Variants in TJP2 observed in about 807,000 individuals in gnomAD.
The protein encoded by TJP2 is tight junction protein 2.
TJP2 carries 91 observed loss-of-function variants against 133.1 expected under a neutral mutation model. The observed-to-expected ratio is 0.68, with a 90% CI of 0.58 to 0.81. TJP2 has a LOEUF of 0.81. TJP2 is among the 40% of genes least tolerant of loss of function. The probability of loss-of-function intolerance (pLI) is 0.00; values close to 1 mark genes in which losing one functional copy is unlikely to be tolerated. For missense variants in TJP2, 1,541 were observed against 1,565.6 expected (o/e 0.98, Z 0.26); for synonymous variants, 592 against 583.4 (o/e 1.01, Z -0.21).
rs1831166251 is a variant in TJP2 at position 69,249,427 on chromosome 9, G to A, written c.2933G>A (p.Ser978Asn). The change falls in exon 20 of 23, where the codon AGC becomes AAC. Residue 978 changes from serine (S) to asparagine (N), a missense_variant. By Grantham distance (46) the Ser-to-Asn change is conservative. Coordinates refer to ENST00000377245, the MANE Select transcript of TJP2 (RefSeq NM_004817.4). Reference protein sequence around the residue: ...EPRAQMRRAASSDQLRDNSPP... With the variant: ...EPRAQMRRAANSDQLRDNSPP... ...CGAGCTCAGATGAGGAGGGCTGCTA[G>A]CAGCGATCAACTTAGGGACAATAGC... 1 of 1,611,908 alleles carries A rather than the reference G, an allele frequency of 6.2e-7. No individual in the cohort carries two copies. The highest frequency in any genetic ancestry group is 1.3e-5 in the African/African-American group (1 of 74,898).
intron 17 of TJP2, among the ~76,000 whole-genome samples, chr9:69,244,719 C>T (rs751857159): frequency 6.6e-6 from 1 of 152,150 alleles, no homozygotes; most frequent in Non-Finnish European, 1.5e-5. Flanking sequence ...TGTGCACCTG[C>T]CTGTTAAAAA....
chr9:69,241,930 G>A (rs1478822566), intron 17 of TJP2, among the ~76,000 whole-genome samples: 2 of 152,182 alleles, frequency 1.3e-5, no homozygotes, highest in African/African-American at 4.8e-5. Context: ...TTAAAAAACT[G>A]AAGCCAAAGT....
At chr9:69,159,674 C>T (rs1006075070) in intron 2 of TJP2, among the ~76,000 whole-genome samples, 23 of 151,868 alleles carry the variant, frequency 1.5e-4, no homozygotes, top group Non-Finnish European at 2.8e-4. Flanking sequence ...GTCAGGAGAT[C>T]GAGACCATCC....
Position 69,212,621 on chromosome 9 carries a change from T to C in TJP2, c.114+20T>C, listed in dbSNP as rs773025974. On this transcript the variant is annotated intron_variant, in intron 2 of 22. Transcript: ENST00000377245. The stretch of plus-strand genomic sequence containing the variant: ...CAAAAGGTGAGTTCTGCACATTTCA[T>C]ATATTCTACAGTCATGTTCTTGATT... The C allele has an allele frequency of 1.3e-5, 20 of 1,581,656 alleles. No homozygotes were observed. The East Asian group carries it at 4.3e-4, about 34-fold the overall frequency.
At chr9:69,189,253 C>G (rs987702473) in intron 1 of TJP2, among the ~76,000 whole-genome samples, 5 of 152,164 alleles carry the variant, frequency 3.3e-5, no homozygotes, top group African/African-American at 1.2e-4. Flanking sequence ...ATAAACAGAG[C>G]AACCAGCCCA....
intron 1 of TJP2, among the ~76,000 whole-genome samples, chr9:69,150,190 G>GA (rs1823402401): frequency 6.6e-6 from 1 of 151,852 alleles, no homozygotes; most frequent in Admixed American, 6.6e-5. Context: ...TAAATGCTAT[G>GA]AAAAACAAAT....
intron 1 of TJP2, among the ~76,000 whole-genome samples, chr9:69,182,455 TTTGAGCCTAAA>T (rs577405937): frequency 6.5e-4 from 99 of 152,296 alleles, no homozygotes; most frequent in Non-Finnish European, 1.2e-3. Flanking sequence ...CCAAGTTCGT[TTTGAGCCTAAA>T]TTGAATTTTA....
chr9:69,154,822 T>C (rs1823661475), intron 2 of TJP2, among the ~76,000 whole-genome samples: 1 of 151,968 alleles, frequency 6.6e-6, no homozygotes, highest in South Asian at 2.1e-4. Flanking sequence ...AAGATGCTAA[T>C]AGTCTGGTGA....
chr9:69,247,311 CG>C (rs1830995531), intron 18 of TJP2, among the ~76,000 whole-genome samples: 1 of 152,180 alleles, frequency 6.6e-6, no homozygotes, highest in Non-Finnish European at 1.5e-5. Context: ...GCTTCTCCCT[CG>C]GGGAGATAGC....
chr9:69,148,659 C>T (rs946822633), intron 1 of TJP2, among the ~76,000 whole-genome samples: 10 of 152,184 alleles, frequency 6.6e-5, no homozygotes, highest in African/African-American at 1.9e-4. Context: ...CATGAGCCAC[C>T]GCCCCCCTCT....
At chr9:69,206,317 C>T (rs892635634) in intron 1 of TJP2, among the ~76,000 whole-genome samples, 5 of 152,098 alleles carry the variant, frequency 3.3e-5, no homozygotes, top group Non-Finnish European at 7.4e-5. Flanking sequence ...ACCTAACCTG[C>T]GTCCCCACTC....
At position 69,234,467 on chromosome 9, in the gene TJP2, T is replaced by C; in HGVS notation, c.1700T>C (p.Val567Ala). The change falls in exon 12 of 23, where the codon GTG becomes GCG. Residue 567 changes from valine to alanine, a missense_variant. By Grantham distance (64) the Val-to-Ala change is moderately conservative. Coordinates refer to ENST00000377245, the MANE Select transcript of TJP2 (RefSeq NM_004817.4). Reference sequence around the variant, plus strand: ...AACACACAGGATTTCAGAGGATTAGTGCGGGAGGATGCCGTTCTCTACCTG... The same window carrying C: ...AACACACAGGATTTCAGAGGATTAGCGCGGGAGGATGCCGTTCTCTACCTG... ...KVNTQDFRGLVREDAVLYLLE... is the reference protein window; with the variant it reads ...KVNTQDFRGLAREDAVLYLLE... 1 of 1,609,672 alleles carries C rather than the reference T, an allele frequency of 6.2e-7. No homozygotes were observed. Among genetic ancestry groups the C allele is most frequent in the Non-Finnish European group, 8.5e-7 (1 of 1,179,024 alleles).
At chr9:69,233,482 A>C (rs1829940132) in intron 11 of TJP2, among the ~76,000 whole-genome samples, 1 of 152,210 alleles carries the variant, frequency 6.6e-6, no homozygotes, top group Non-Finnish European at 1.5e-5. Context: ...TGAAAGATAC[A>C]GAACTATGGG....
At chr9:69,198,141 C>CTTTT (rs5898062) in intron 1 of TJP2, among the ~76,000 whole-genome samples, 2,648 of 96,302 alleles carry the variant, frequency 0.027, 167 homozygotes, top group African/African-American at 0.075. Context: ...TTTCCCAATT[C>CTTTT]TTTTTTTTTT....
In TJP2 at chr9:69,254,909, A is replaced by G; in HGVS notation, c.*535A>G. ...ATAATGGACTAAAACATTTTGACTAAGTTTTTATACCAGCTTAATAGCTGT... is the reference window on the plus strand; with the variant it reads ...ATAATGGACTAAAACATTTTGACTAGGTTTTTATACCAGCTTAATAGCTGT... On this transcript the variant is annotated 3_prime_UTR_variant, in exon 23 of 23. Transcript: ENST00000377245. 2.7e-6 allele frequency: 1 copy of G among 366,860 alleles called. No individual in the cohort carries two copies. The highest frequency in any genetic ancestry group is 4.9e-6 in the Non-Finnish European group (1 of 204,972). 22.7% of individuals were successfully genotyped at this position (366,860 alleles called of 1,614,324 possible). A position where few individuals can be genotyped will look rare whatever the true frequency, so the allele number is the denominator to read the frequency against.
intron 17 of TJP2, among the ~76,000 whole-genome samples, chr9:69,243,316 TTTGCAAAGTAATAAGAAAGC>T (rs1830696248): frequency 6.6e-6 from 1 of 152,236 alleles, no homozygotes; most frequent in Admixed American, 6.5e-5. Flanking sequence ...TGTTTTCCTT[TTTGCAAAGTAATAAGAAAGC>T]TCCTCTTCCT....
rs780970651 is a variant in TJP2 at position 69,228,114 on chromosome 9, G to C, written c.1453G>C (p.Ala485Pro). The C allele has an allele frequency of 1.9e-6, 3 of 1,603,372 alleles. No homozygotes were observed. The highest frequency in any genetic ancestry group is 1.7e-6 in the Non-Finnish European group (2 of 1,174,610). ...ACCCAGATACCAAGAGGACCCCCCA[G>C]GTGAGCCATTAAGACCACTCAGTTT... ...KEPRYQEDPPAPQPKAAPRTF... is the reference protein window; with the variant it reads ...KEPRYQEDPPPPQPKAAPRTF... The change falls in exon 9 of 23, where the codon GCT (alanine) becomes CCT (proline). Residue 485 changes from alanine (A) to proline (P), a missense_variant and splice_region_variant. Physicochemically the swap from Ala to Pro is conservative, Grantham distance 27. Coordinates refer to ENST00000377245, the MANE Select transcript of TJP2 (RefSeq NM_004817.4).
intron 2 of TJP2, among the ~76,000 whole-genome samples, chr9:69,152,816 T>TC (rs1823541469): frequency 1.9e-5 from 2 of 105,430 alleles, no homozygotes; most frequent in Admixed American, 2.3e-4. Flanking sequence ...TCTCTGGAGC[T>TC]CTTTTTTTTT....
chr9:69,156,523 ATTTTTTTTT>A (rs71354318), intron 2 of TJP2, among the ~76,000 whole-genome samples: 6 of 81,162 alleles, frequency 7.4e-5, no homozygotes, highest in Admixed American at 1.5e-4. Context: ...TACATGTAAG[ATTTTTTTTT>A]TTTTTTTTTT....
Sources: allele counts gnomAD v4.1 joint callset (sites outside exome capture counted in the v4.1 genomes callset), GRCh38; gene constraint gnomAD v4.1.1; transcripts MANE v1.5; gene names NCBI Gene and HGNC (gene_info 2026-07-23, HGNC 2026-07-21).